HTR2C: variants seen among roughly 807,000 people sequenced by gnomAD.
The protein encoded by HTR2C is 5-hydroxytryptamine (serotonin) receptor 2C, G protein-coupled.
HTR2C carries 5 observed loss-of-function variants against 21.0 expected under a neutral mutation model. The observed-to-expected ratio is 0.24, with a 90% CI of 0.12 to 0.50. The LOEUF is 0.50. HTR2C is among the 20% of genes least tolerant of loss of function. The probability of loss-of-function intolerance (pLI) is 0.98; values close to 1 mark genes in which losing one functional copy is unlikely to be tolerated. For synonymous variants in HTR2C, 150 were observed against 145.3 expected (o/e 1.03, Z -0.23); for missense variants, 271 against 371.2 (o/e 0.73, Z 2.22).
chrX:114,803,463 T>C (rs1231904836), intron 4 of HTR2C, among the ~76,000 whole-genome samples: 1 of 104,301 alleles, frequency 9.6e-6, no homozygotes, highest in Admixed American at 1.1e-4. Flanking sequence ...GGTTTTGATT[T>C]GCATTTCTCT....
chrX:114,765,347 A>G (rs967882559), intron 4 of HTR2C, among the ~76,000 whole-genome samples: 2 of 111,448 alleles, frequency 1.8e-5, no homozygotes, highest in African/African-American at 3.3e-5. Flanking sequence ...AACAAGTACT[A>G]TAATAGCTAA....
intron 5 of HTR2C, among the ~76,000 whole-genome samples, chrX:114,850,682 A>G (rs1164915623): frequency 9.0e-6 from 1 of 110,819 alleles, no homozygotes; most frequent in Admixed American, 9.7e-5. Context: ...AATAAAAGAT[A>G]AAATGAAATA....
intron 4 of HTR2C, among the ~76,000 whole-genome samples, chrX:114,753,677 A>G (rs1556428827): frequency 8.9e-6 from 1 of 111,914 alleles, no homozygotes; most frequent in African/African-American, 3.2e-5. Flanking sequence ...ATTCAATATT[A>G]TTTACTATCA....
Position 114,648,649 on chromosome X carries a change from G to T in HTR2C, c.-80+34768G>T, listed in dbSNP as rs781925847. Among the ~76,000 whole-genome samples, 6 of 111,509 alleles carry T rather than the reference G, an allele frequency of 5.4e-5. No individual in the cohort carries two copies. In the East Asian group the frequency reaches 1.4e-3, roughly 27 times the overall value. Reference sequence around the variant, plus strand: ...AAGCTGAGGTAGGAGGACTGCTTGAGCCCAACAGGTTGAGGCCGCAGTGAG... The same window carrying T: ...AAGCTGAGGTAGGAGGACTGCTTGATCCCAACAGGTTGAGGCCGCAGTGAG... On this transcript the variant is annotated intron_variant, in intron 2 of 5. Coordinates refer to ENST00000276198, the MANE Select transcript of HTR2C (RefSeq NM_000868.4).
intron 5 of HTR2C, among the ~76,000 whole-genome samples, chrX:114,887,293 G>T (rs1044833106): frequency 1.8e-5 from 2 of 111,244 alleles, no homozygotes; most frequent in Non-Finnish European, 3.8e-5. Context: ...ACCAACATGA[G>T]AACGCTCTCT....
Position 114,805,645 on chromosome X carries a change from TAC to T in HTR2C, c.350-42355_350-42354del, listed in dbSNP as rs1367369031. 1.2e-3 allele frequency among the ~76,000 whole-genome samples: 37 copies of T among 29,632 alleles called. 10 individuals carry two copies. Among genetic ancestry groups the T allele is most frequent in the African/African-American group, 4.3e-3 (37 of 8,540 alleles). 25.7% of individuals were successfully genotyped at this position (29,632 alleles called of 115,157 possible). A position where few individuals can be genotyped will look rare whatever the true frequency, so the allele number is the denominator to read the frequency against. ...ATATACCATATATATACCATATATA[TAC>T]ACCATATATATACCATATATATACA... On this transcript the variant is annotated intron_variant, in intron 4 of 5. Transcript: ENST00000276198.
At chrX:114,794,514 T>G (rs1306099568) in intron 4 of HTR2C, among the ~76,000 whole-genome samples, 1 of 88,572 alleles carries the variant, frequency 1.1e-5, no homozygotes, top group Non-Finnish European at 2.3e-5. Flanking sequence ...CTCCTAATGC[T>G]ATCCCTCCCC....
chrX:114,705,197 G>GA (rs1556417763), intron 2 of HTR2C, among the ~76,000 whole-genome samples: 1 of 109,705 alleles, frequency 9.1e-6, no homozygotes, highest in African/African-American at 3.3e-5. Context: ...CACAATATTG[G>GA]AAAAAAATAC....
intron 4 of HTR2C, among the ~76,000 whole-genome samples, chrX:114,741,273 C>T (rs781814469): frequency 1.9e-5 from 2 of 108,105 alleles, no homozygotes; most frequent in East Asian, 5.9e-4. Context: ...GTAATCCCAG[C>T]ACTTTGGGAG....
intron 2 of HTR2C, among the ~76,000 whole-genome samples, chrX:114,614,758 G>A (rs981136644): frequency 4.5e-5 from 5 of 111,600 alleles, no homozygotes; most frequent in African/African-American, 1.3e-4. Context: ...GCTGAAAAAC[G>A]CAGATCCAGA....
intron 2 of HTR2C, among the ~76,000 whole-genome samples, chrX:114,619,368 C>T (rs142414928): frequency 2.7e-5 from 3 of 111,570 alleles, no homozygotes; most frequent in Non-Finnish European, 5.6e-5. Flanking sequence ...CTCCCAAATC[C>T]GTTCTCCCAA....
At chrX:114,848,912 G>T (rs1205913136) in intron 5 of HTR2C, among the ~76,000 whole-genome samples, 1 of 111,343 alleles carries the variant, frequency 9.0e-6, no homozygotes, top group Non-Finnish European at 1.9e-5. Flanking sequence ...GACTTTAGGG[G>T]TTTTACTTTC....
intron 4 of HTR2C, among the ~76,000 whole-genome samples, chrX:114,798,915 T>C (rs1235694100): frequency 9.0e-6 from 1 of 110,655 alleles, no homozygotes; most frequent in African/African-American, 3.3e-5. Flanking sequence ...TAAAGTATTT[T>C]GATAAAGTTA....
chrX:114,834,791 T>G (rs1602857220), intron 4 of HTR2C, among the ~76,000 whole-genome samples: 1 of 108,776 alleles, frequency 9.2e-6, no homozygotes, highest in African/African-American at 3.4e-5. Flanking sequence ...ATGCAGTTTC[T>G]TCCTAGTCTC....
chrX:114,746,418 T>C (rs1257359423), intron 4 of HTR2C, among the ~76,000 whole-genome samples: 3 of 111,877 alleles, frequency 2.7e-5, no homozygotes, highest in Non-Finnish European at 3.8e-5. Context: ...TACATTCTGA[T>C]ATAGCGGGCC....
At chrX:114,665,937 C>A (rs1209962631) in intron 2 of HTR2C, among the ~76,000 whole-genome samples, 2 of 111,879 alleles carry the variant, frequency 1.8e-5, no homozygotes, top group Non-Finnish European at 3.8e-5. Context: ...GATATGTCTT[C>A]TTTTTCGCAG....
chrX:114,765,938 G>T (rs781794183), intron 4 of HTR2C, among the ~76,000 whole-genome samples: 9 of 111,699 alleles, frequency 8.1e-5, no homozygotes, highest in African/African-American at 2.3e-4. Context: ...AGGAGAAATG[G>T]GAGGGGTCAT....
At chrX:114,662,084 GC>G (rs1282992263) in intron 2 of HTR2C, among the ~76,000 whole-genome samples, 1 of 111,541 alleles carries the variant, frequency 9.0e-6, no homozygotes, top group Non-Finnish European at 1.9e-5. Flanking sequence ...TAAAACAAAT[GC>G]TGAAGTAAAA....
intron 2 of HTR2C, among the ~76,000 whole-genome samples, chrX:114,706,763 A>G (rs1932778523): frequency 1.8e-5 from 2 of 110,896 alleles, no homozygotes; most frequent in Non-Finnish European, 1.9e-5. Flanking sequence ...GTCTATAAAA[A>G]TAGATTTGCA....
Sources: gnomAD v4.1 joint callset for allele counts (sites outside exome capture counted in the v4.1 genomes callset) on GRCh38, gnomAD v4.1.1 for gene constraint, MANE v1.5 for transcripts, NCBI Gene and HGNC (gene_info 2026-07-23, HGNC 2026-07-21) for gene names.